YTHDC2: variants seen among roughly 807,000 people sequenced by gnomAD.
The protein encoded by YTHDC2 is YTH N6-methyladenosine RNA binding protein C2.
In YTHDC2, 45 loss-of-function variants were observed where a neutral mutation model predicts 174.9. That is an observed-to-expected ratio of 0.26 (90% CI 0.20 to 0.33). The LOEUF (loss-of-function observed/expected upper bound fraction) is 0.33, where lower values mean the gene tolerates loss of function less well. Among genes scored for constraint, YTHDC2 ranks in the 10% least tolerant of loss-of-function variants. The pLI is 1.00. For synonymous variants in YTHDC2, 657 were observed against 574.5 expected (o/e 1.14, Z -2.05); for missense variants, 1,650 against 1,723.7 (o/e 0.96, Z 0.76).
chr5:113,518,283 C>G (rs1427960415), intron 2 of YTHDC2, among the ~76,000 whole-genome samples: 1 of 151,114 alleles, frequency 6.6e-6, no homozygotes, highest in Non-Finnish European at 1.5e-5. Context: ...TCACTGCAGC[C>G]TCCATCTCCC....
chr5:113,564,611 TA>T (rs1344134535), intron 20 of YTHDC2, among the ~76,000 whole-genome samples: 2 of 152,160 alleles, frequency 1.3e-5, no homozygotes, highest in African/African-American at 4.8e-5. Flanking sequence ...AAAAATCACT[TA>T]AAAACCTTTT....
chr5:113,574,161 T>G (rs1343127746), intron 23 of YTHDC2, among the ~76,000 whole-genome samples: 1 of 152,162 alleles, frequency 6.6e-6, no homozygotes, highest in African/African-American at 2.4e-5. Flanking sequence ...TTTCTGTTGA[T>G]GTTGTTGTTG....
chr5:113,524,345 A>AAT (rs1196008950), intron 2 of YTHDC2, among the ~76,000 whole-genome samples: 12 of 152,190 alleles, frequency 7.9e-5, no homozygotes, highest in African/African-American at 2.9e-4. Flanking sequence ...TTGAGGAAAC[A>AAT]ATATACCTAC....
At chr5:113,553,084 C>T in intron 12 of YTHDC2, 97 bp from the exon 13 acceptor site, 1 of 1,180,282 alleles carries the variant, frequency 8.5e-7, no homozygotes, top group African/African-American at 1.6e-5. Context: ...TGTCACTTAC[C>T]TTACCTTCCT....
intron 26 of YTHDC2, among the ~76,000 whole-genome samples, chr5:113,587,972 A>G (rs1778785081): frequency 6.6e-6 from 1 of 151,988 alleles, no homozygotes; most frequent in Non-Finnish European, 1.5e-5. Context: ...CAAGTATTAC[A>G]ATTTTTTGTT....
rs1401960869 is a variant in YTHDC2 at position 113,514,876 on chromosome 5, A to G, written c.188-396A>G. Among the ~76,000 whole-genome samples, 4 of 152,250 alleles carry G rather than the reference A, an allele frequency of 2.6e-5. No homozygotes were observed. The South Asian group carries it at 6.2e-4, about 24-fold the overall frequency. The stretch of plus-strand genomic sequence containing the variant: ...TGTTGAGAATTCATAATATTTGAAC[A>G]TATCTCATCATTGAAGAAAATAAAC... On this transcript the variant is annotated intron_variant, in intron 1 of 29. Coordinates refer to ENST00000161863, the MANE Select transcript of YTHDC2 (RefSeq NM_022828.5).
intron 9 of YTHDC2, among the ~76,000 whole-genome samples, chr5:113,541,465 A>G (rs1180418290): frequency 6.6e-6 from 1 of 152,130 alleles, no homozygotes; most frequent in Non-Finnish European, 1.5e-5. Flanking sequence ...TGCTGGGATT[A>G]CAGGAGTGAG....
chr5:113,518,240 C>G (rs1163988044), intron 2 of YTHDC2, among the ~76,000 whole-genome samples: 4 of 145,112 alleles, frequency 2.8e-5, no homozygotes, highest in Non-Finnish European at 4.5e-5. Flanking sequence ...GTCACCCAGG[C>G]TTTAGTGCAG....
chr5:113,567,693 C>A lies in YTHDC2; in HGVS notation c.3088C>A (p.Leu1030Met), dbSNP rs1191131998. The change falls in exon 23 of 30, where the codon CTG (leucine) becomes ATG (methionine). Residue 1030 changes from leucine (L) to methionine (M), a missense_variant. Physicochemically the swap from Leu to Met is conservative, Grantham distance 15. Around this residue, in one of 5 missense-constraint regions of YTHDC2, gnomAD observed 913 missense variants for 940.4 expected, o/e 0.97. Coordinates refer to ENST00000161863, the MANE Select transcript of YTHDC2 (RefSeq NM_022828.5). ...TGGTCAAGCTGCAGCAATTAAGGCA[C>A]TGCCCACAGATTGGCTTATTTATGA... ...ANGQAAAIKA[L>M]PTDWLIYDEM... 1 of 1,607,044 alleles carries A rather than the reference C, an allele frequency of 6.2e-7. No homozygotes were observed. Among genetic ancestry groups the A allele is most frequent in the African/African-American group, 1.3e-5 (1 of 74,590 alleles).
At position 113,526,552 on chromosome 5, in the gene YTHDC2, C is replaced by G. The variant is rs750272540; in HGVS notation, c.476-34C>G. 5.3e-6 allele frequency: 8 copies of G among 1,522,722 alleles called. No homozygotes were observed. The East Asian group carries it at 1.9e-4, about 37-fold the overall frequency. 94.3% of individuals were successfully genotyped at this position (1,522,722 alleles called of 1,614,324 possible). A position where few individuals can be genotyped will look rare whatever the true frequency, so the allele number is the denominator to read the frequency against. The stretch of plus-strand genomic sequence containing the variant: ...TTAACACTTCTTTTTCCGTGTTGAT[C>G]ATACATTTTTTGTTCTTTTATTCAT... On this transcript the variant is annotated intron_variant, in intron 3 of 29. Transcript: ENST00000161863.
intron 26 of YTHDC2, among the ~76,000 whole-genome samples, chr5:113,585,948 A>G (rs1778658300): frequency 6.6e-6 from 1 of 152,040 alleles, no homozygotes; most frequent in African/African-American, 2.4e-5. Flanking sequence ...AGTTGCTAAC[A>G]TTGTACTAAC....
intron 21 of YTHDC2, 26 bp downstream of exon 21, chr5:113,566,045 A>G (rs199771949): frequency 6.3e-6 from 10 of 1,583,470 alleles, no homozygotes; most frequent in Admixed American, 3.7e-5. Flanking sequence ...CAAAGAGCCT[A>G]TTTAAGTTAC....
At position 113,572,357 on chromosome 5, in the gene YTHDC2, C is replaced by G. The variant is rs551940966; in HGVS notation, c.3244+4508C>G. Among the ~76,000 whole-genome samples the G allele has an allele frequency of 9.8e-5, 15 of 152,324 alleles. No homozygotes were observed. The East Asian group carries it at 1.9e-3, about 20-fold the overall frequency. On this transcript the variant is annotated intron_variant, in intron 23 of 29. Transcript: ENST00000161863. ...GACTGTTATGATTTTACTTCTTTTA[C>G]ATTTACTGAGGAGTGTTTTACTTCC...
chr5:113,518,556 CGTGT>C (rs67062871), intron 2 of YTHDC2, among the ~76,000 whole-genome samples: 7,006 of 144,374 alleles, frequency 0.049, 144 homozygotes, highest in Admixed American at 0.065. Context: ...AGTTAGTTTT[CGTGT>C]GTGTGTGTGT....
At chr5:113,551,918 A>G (rs1373485744) in intron 12 of YTHDC2, among the ~76,000 whole-genome samples, 1 of 152,158 alleles carries the variant, frequency 6.6e-6, no homozygotes, top group Non-Finnish European at 1.5e-5. Context: ...AGTAGTTTAC[A>G]TTTTTACATA....
chr5:113,525,144 A>T lies in YTHDC2; in HGVS notation c.442A>T (p.Thr148Ser), dbSNP rs767490782. ...NKERTELLPKTERGNVFAVEA... is the reference protein window; with the variant it reads ...NKERTELLPKSERGNVFAVEA... ...AGAGCGTACAGAACTTCTGCCTAAA[A>T]CAGAAAGAGGAAATGTGTTTGCAGT... Residue 148 changes from threonine to serine, a missense_variant, in exon 3 of 30, where the codon ACA becomes TCA. By Grantham distance (58) the Thr-to-Ser change is moderately conservative. This residue lies in a region of YTHDC2 where 304 missense variants were observed against 341.4 expected (regional missense o/e 0.89). Coordinates refer to ENST00000161863, the MANE Select transcript of YTHDC2 (RefSeq NM_022828.5). 1 of 1,603,342 alleles carries T rather than the reference A, an allele frequency of 6.2e-7. No homozygotes were observed. The highest frequency in any genetic ancestry group is 1.1e-5 in the South Asian group (1 of 88,564).
At chr5:113,573,983 A>C (rs1777886316) in intron 23 of YTHDC2, among the ~76,000 whole-genome samples, 1 of 152,200 alleles carries the variant, frequency 6.6e-6, no homozygotes, top group Non-Finnish European at 1.5e-5. Flanking sequence ...TCTCAGCCTC[A>C]GCCCAGTTCT....
Position 113,591,155 on chromosome 5 carries a change from C to G in YTHDC2, c.3940C>G (p.Pro1314Ala). ...ACAGAAGGGTATCTGGTCTACAACTCCTAGTAATGAACGGAAGCTAAATCG... is the reference window on the plus strand; with the variant it reads ...ACAGAAGGGTATCTGGTCTACAACTGCTAGTAATGAACGGAAGCTAAATCG... ...SQQKGIWSTTPSNERKLNRAF... is the reference protein window; with the variant it reads ...SQQKGIWSTTASNERKLNRAF... Residue 1314 changes from proline to alanine, a missense_variant, in exon 27 of 30, where the codon CCT becomes GCT. Transcript: ENST00000161863. The G allele has an allele frequency of 6.2e-7, 1 of 1,613,968 alleles. No individual in the cohort carries two copies. Among genetic ancestry groups the G allele is most frequent in the Non-Finnish European group, 8.5e-7 (1 of 1,179,902 alleles).
intron 23 of YTHDC2, among the ~76,000 whole-genome samples, chr5:113,578,324 T>C (rs1029476415): frequency 5.3e-5 from 8 of 152,064 alleles, no homozygotes; most frequent in African/African-American, 1.9e-4. Context: ...GCCTCCTGAG[T>C]AGCTGGGACT....
Sources: gnomAD v4.1 joint callset for allele counts (sites outside exome capture counted in the v4.1 genomes callset) on GRCh38, gnomAD v4.1.1 for gene constraint, gnomAD v4.1.1 regional missense constraint, MANE v1.5 for transcripts, NCBI Gene and HGNC (gene_info 2026-07-23, HGNC 2026-07-21) for gene names.